KATNAL1: variants seen among roughly 807,000 people sequenced by gnomAD.
The protein encoded by KATNAL1 is katanin p60 ATPase-containing subunit A-like 1.
KATNAL1 carries 32 observed loss-of-function variants against 55.2 expected under a neutral mutation model. That is an observed-to-expected ratio of 0.58 (90% CI 0.44 to 0.78). The LOEUF (loss-of-function observed/expected upper bound fraction) is 0.78. KATNAL1 is among the 30% of genes least tolerant of loss of function. The pLI is 0.00. For synonymous variants in KATNAL1, 193 were observed against 193.6 expected, an observed-to-expected ratio of 1.00 and a Z score of 0.02; for missense variants, 466 against 600.9, an observed-to-expected ratio of 0.78 and a Z score of 2.35.
At chr13:30,215,279 G>A (rs1443318339) in intron 9 of KATNAL1, among the ~76,000 whole-genome samples, 2 of 152,026 alleles carry the variant, frequency 1.3e-5, no homozygotes, top group Non-Finnish European at 2.9e-5. Context: ...GAAACAACAG[G>A]TGCTGGAGAG....
Position 30,238,164 on chromosome 13 carries a change from G to A in KATNAL1, c.726+2296C>T, listed in dbSNP as rs536915651. Reference sequence around the variant, plus strand: ...CCCAAACACCTACAGAAAAAGAATCGAACTCCTGGGAAATACAATCTGGCC... The same window carrying A: ...CCCAAACACCTACAGAAAAAGAATCAAACTCCTGGGAAATACAATCTGGCC... On this transcript the variant is annotated intron_variant, in intron 6 of 10. Transcript: ENST00000380615. Among the ~76,000 whole-genome samples the A allele has an allele frequency of 1.6e-4, 24 of 152,156 alleles. 1 individual carries two copies. Among genetic ancestry groups the A allele is most frequent in the Non-Finnish European group, 2.4e-4 (16 of 67,990 alleles).
intron 9 of KATNAL1, among the ~76,000 whole-genome samples, chr13:30,217,343 A>C (rs532938629): frequency 1.3e-5 from 2 of 151,918 alleles, no homozygotes; most frequent in Non-Finnish European, 2.9e-5. Context: ...AATCCCAGCT[A>C]CTCGGGAGGG....
chr13:30,266,326 T>C (rs1443679140), intron 3 of KATNAL1, among the ~76,000 whole-genome samples: 2 of 152,152 alleles, frequency 1.3e-5, no homozygotes, highest in Non-Finnish European at 1.5e-5. Flanking sequence ...GTTAAAATAA[T>C]GCTTGGTCCC....
chr13:30,210,274 T>TCTATAA (rs769693464), intron 10 of KATNAL1, 42 bp downstream of exon 10: 2 of 1,541,614 alleles, frequency 1.3e-6, no homozygotes, highest in South Asian at 2.5e-5. Flanking sequence ...TCCTGCGAAG[T>TCTATAA]CTATAACTAA....
At chr13:30,213,302 G>C (rs914899813) in intron 9 of KATNAL1, among the ~76,000 whole-genome samples, 1 of 152,136 alleles carries the variant, frequency 6.6e-6, no homozygotes, top group African/African-American at 2.4e-5. Context: ...ACCAAAAAGA[G>C]TCCAGGACCA....
intron 1 of KATNAL1, among the ~76,000 whole-genome samples, chr13:30,298,559 A>G (rs1428165515): frequency 6.6e-6 from 1 of 152,228 alleles, no homozygotes; most frequent in Non-Finnish European, 1.5e-5. Context: ...TACAACATAA[A>G]GCAAAATTAA....
intron 3 of KATNAL1, among the ~76,000 whole-genome samples, chr13:30,264,936 C>T (rs1462016946): frequency 3.0e-4 from 44 of 145,110 alleles, no homozygotes; most frequent in African/African-American, 4.9e-4. Flanking sequence ...ATGTTTATTG[C>T]GGCATTATTC....
Position 30,280,203 on chromosome 13 carries a change from C to G in KATNAL1, c.183G>C (p.Glu61Asp), listed in dbSNP as rs770921172. 4 of 1,593,470 alleles carry G rather than the reference C, an allele frequency of 2.5e-6. No individual in the cohort carries two copies. In the South Asian group the frequency reaches 3.5e-5, roughly 14 times the overall value. ...CAATACTTTTAACTTGTTCATATTC[C>G]TCCAATAATTCCTGCCGAACCTTAA... is the stretch of plus-strand genomic sequence containing the variant. ...KWQQVRQELL[E>D]EYEQVKSIVS... Residue 61 changes from glutamate (E) to aspartate (D), a missense_variant, in exon 3 of 11, where the codon GAG becomes GAC. Glu to Asp is a conservative substitution (Grantham distance 45, BLOSUM62 2). Around this residue, in one of 3 missense-constraint regions of KATNAL1, gnomAD observed 248 missense variants for 275.5 expected, o/e 0.90. Transcript: ENST00000380615.
At chr13:30,270,587 T>C (rs991281160) in intron 3 of KATNAL1, among the ~76,000 whole-genome samples, 2 of 152,058 alleles carry the variant, frequency 1.3e-5, no homozygotes, top group African/African-American at 4.8e-5. Flanking sequence ...AGAAAAATTC[T>C]TATCCTGTTG....
chr13:30,293,256 T>C (rs1882257641), intron 1 of KATNAL1, among the ~76,000 whole-genome samples: 1 of 152,174 alleles, frequency 6.6e-6, no homozygotes, highest in Admixed American at 6.5e-5. Context: ...TCTACTTTCT[T>C]GGAGATGTTC....
intron 6 of KATNAL1, among the ~76,000 whole-genome samples, chr13:30,235,558 T>A (rs980457113): frequency 3.3e-5 from 5 of 152,084 alleles, no homozygotes. Context: ...CCAAACTATA[T>A]CCAAACTATA....
chr13:30,250,896 C>T (rs886974966), intron 4 of KATNAL1, among the ~76,000 whole-genome samples: 3 of 152,190 alleles, frequency 2.0e-5, no homozygotes, highest in Non-Finnish European at 2.9e-5. Flanking sequence ...CCCAGCACTT[C>T]GGGAGGCCGA....
At chr13:30,238,417 G>A (rs1186347496) in intron 6 of KATNAL1, among the ~76,000 whole-genome samples, 1 of 152,078 alleles carries the variant, frequency 6.6e-6, no homozygotes, top group East Asian at 1.9e-4. Context: ...CTGGATCCAG[G>A]ATCTGTACCC....
At chr13:30,274,889 ATACGCGCGCGCG>A (rs1171623279) in intron 3 of KATNAL1, among the ~76,000 whole-genome samples, 1 of 107,056 alleles carries the variant, frequency 9.3e-6, no homozygotes, top group Non-Finnish European at 1.9e-5. Flanking sequence ...GTGCACACAC[ATACGCGCGCGCG>A]CGCGCGCACA....
At chr13:30,217,200 C>T (rs1028651505) in intron 9 of KATNAL1, among the ~76,000 whole-genome samples, 1 of 152,180 alleles carries the variant, frequency 6.6e-6, no homozygotes, top group Non-Finnish European at 1.5e-5. Flanking sequence ...CGCCTGTAAT[C>T]CCAGCACTTT....
chr13:30,214,258 C>T (rs1379322316), intron 9 of KATNAL1, among the ~76,000 whole-genome samples: 1 of 152,156 alleles, frequency 6.6e-6, no homozygotes, highest in Non-Finnish European at 1.5e-5. Context: ...AACCACTCCT[C>T]AATGAAATAA....
At chr13:30,305,373 A>T (rs1883115809) in intron 1 of KATNAL1, among the ~76,000 whole-genome samples, 1 of 152,228 alleles carries the variant, frequency 6.6e-6, no homozygotes, top group South Asian at 2.1e-4. Flanking sequence ...GACTTTCCTC[A>T]TCATCACTCC....
intron 4 of KATNAL1, among the ~76,000 whole-genome samples, chr13:30,242,663 G>A (rs563254391): frequency 6.6e-6 from 1 of 152,204 alleles, no homozygotes; most frequent in Non-Finnish European, 1.5e-5. Context: ...AGAGGACGGG[G>A]TAGAGGAGGA....
rs144883073 is a variant in KATNAL1 at position 30,296,160 on chromosome 13, A to C, written c.-15+11171T>G. The C allele has an allele frequency of 7.3e-4, 402 of 551,568 alleles. 5 individuals are homozygous for C. The highest frequency in any genetic ancestry group is 6.6e-3 in the African/African-American group (343 of 51,760). 34.2% of individuals were successfully genotyped at this position (551,568 alleles called of 1,614,324 possible). A position where few individuals can be genotyped will look rare whatever the true frequency, so the allele number is the denominator to read the frequency against. ...GCTTGTTCAGTCATGGCCTCAGGTA[A>C]TGCGTGCATGGGAAAGCCTGCCCCT... On this transcript the variant is annotated intron_variant, in intron 1 of 10. Coordinates refer to ENST00000380615, the MANE Select transcript of KATNAL1 (RefSeq NM_032116.5).
Sources: gnomAD v4.1 joint callset for allele counts (sites outside exome capture counted in the v4.1 genomes callset) on GRCh38, gnomAD v4.1.1 for gene constraint, gnomAD v4.1.1 regional missense constraint, MANE v1.5 for transcripts, NCBI Gene and HGNC (gene_info 2026-07-23, HGNC 2026-07-21) for gene names.